RALGDS: variants seen among roughly 807,000 people sequenced by gnomAD.
RALGDS encodes ral guanine nucleotide exchange factor.
A neutral mutation model predicts 99.8 loss-of-function variants in RALGDS; 44 were observed. The observed-to-expected ratio is 0.44, with a 90% confidence interval of 0.35 to 0.57. RALGDS has a LOEUF of 0.57. Ranked by LOEUF, RALGDS falls within the 20% of genes least tolerant of loss-of-function variation. RALGDS has a pLI of 0.01. For synonymous variants in RALGDS, 529 were observed against 505.0 expected (o/e 1.05, Z -0.64); for missense variants, 1,022 against 1,203.1 (o/e 0.85, Z 2.23).
intron 1 of RALGDS, among the ~76,000 whole-genome samples, chr9:133,140,244 C>T (rs1220524991): frequency 3.9e-5 from 6 of 151,908 alleles, no homozygotes; most frequent in South Asian, 2.1e-4. Context: ...ACGGTCCCAC[C>T]CTCCCAGTTT....
intron 8 of RALGDS, 48 bp downstream of exon 8, chr9:133,106,597 T>G: frequency 2.1e-6 from 3 of 1,409,796 alleles, no homozygotes; most frequent in Non-Finnish European, 3.0e-6. Context: ...ATGCCAGCCC[T>G]GTGGGAGGTC....
chr9:133,138,927 C>T (rs1249312967), intron 1 of RALGDS, among the ~76,000 whole-genome samples: 1 of 152,200 alleles, frequency 6.6e-6, no homozygotes, highest in Admixed American at 6.5e-5. Context: ...AGCCACCGCA[C>T]CTGTCCAGGT....
intron 1 of RALGDS, among the ~76,000 whole-genome samples, chr9:133,126,848 G>A (rs1325347331): frequency 6.6e-6 from 1 of 152,160 alleles, no homozygotes; most frequent in Non-Finnish European, 1.5e-5. Flanking sequence ...GTCACTCTCT[G>A]GCCCCTGAGC....
chr9:133,124,175 CA>C (rs1318246548), upstream of RALGDS, among the ~76,000 whole-genome samples: 1 of 150,238 alleles, frequency 6.7e-6, no homozygotes, highest in Non-Finnish European at 1.5e-5. Flanking sequence ...GACAGAGACA[CA>C]GACACACACA....
chr9:133,121,047 C>T lies in RALGDS; in HGVS notation c.108G>A (p.Glu36=). ...SRSVWDAVRL[E]VGVPDSCPVV... ...CCGGGCAGCTGTCGGGGACGCCCAC[C>T]TCCAGGCGCACGGCGTCCCACACGC... Residue 36 remains glutamate, a synonymous_variant, in exon 1 of 18, where the codon GAG becomes GAA. Transcript: ENST00000372050. The T allele has an allele frequency of 5.4e-6, 8 of 1,492,786 alleles. No individual in the cohort carries two copies. Among genetic ancestry groups the T allele is most frequent in the East Asian group, 5.6e-5 (2 of 35,848 alleles). 92.5% of individuals were successfully genotyped at this position (1,492,786 alleles called of 1,614,324 possible).
At chr9:133,147,607 G>T (rs112644974) in intron 1 of RALGDS, among the ~76,000 whole-genome samples, 1 of 152,168 alleles carries the variant, frequency 6.6e-6, no homozygotes, top group Non-Finnish European at 1.5e-5. Flanking sequence ...TTGGGTAGAG[G>T]CCGGGGTCCC....
At chr9:133,117,708 C>T (rs1413319334) in intron 1 of RALGDS, among the ~76,000 whole-genome samples, 1 of 152,252 alleles carries the variant, frequency 6.6e-6, no homozygotes, top group Admixed American at 6.5e-5. Flanking sequence ...TCTGGGCCTG[C>T]AAGGCTGGAA....
rs1365004503 is a variant in RALGDS, at chr9:133,144,011, C to G, written c.18+4952G>C. 1.3e-5 allele frequency among the ~76,000 whole-genome samples: 2 copies of G among 152,070 alleles called. No homozygotes were observed. The highest frequency in any genetic ancestry group is 1.9e-4 in the East Asian group (1 of 5,152). ...GGGCTGTGCTGACCCCCACCAGGAGCAGCAGGACCACCTCAGGCATCCCAG... is the reference window on the plus strand; with the variant it reads ...GGGCTGTGCTGACCCCCACCAGGAGGAGCAGGACCACCTCAGGCATCCCAG... On this transcript the variant is annotated intron_variant, in intron 1 of 17. Coordinates refer to the RALGDS transcript ENST00000393160. The surrounding 1 kb of genome is among the most constrained non-coding windows in gnomAD (Gnocchi z 4.5).
Position 133,143,819 on chromosome 9 carries a change from TAA to T in RALGDS, c.18+5142_18+5143del, listed in dbSNP as rs138723439. 3.3e-3 allele frequency among the ~76,000 whole-genome samples: 440 copies of T among 131,886 alleles called. 8 individuals carry two copies. Among genetic ancestry groups the T allele is most frequent in the African/African-American group, 0.014 (411 of 29,800 alleles). 86.5% of individuals were successfully genotyped at this position (131,886 alleles called of 152,430 possible). A position where few individuals can be genotyped will look rare whatever the true frequency, so the allele number is the denominator to read the frequency against. The stretch of plus-strand genomic sequence containing the variant: ...ATAATAATAATAATAATAATAATAA[TAA>T]AATAAAGGAATGGCTTCCACTCATT... On this transcript the variant is annotated intron_variant, in intron 1 of 17. Coordinates refer to the RALGDS transcript ENST00000393160.
upstream of RALGDS, among the ~76,000 whole-genome samples, chr9:133,123,010 GT>G (rs113372310): frequency 5.4e-4 from 80 of 148,426 alleles, no homozygotes; most frequent in African/African-American, 1.8e-3. Flanking sequence ...GCCTGTTTTT[GT>G]TTTTTTTTTA....
Position 133,108,683 on chromosome 9 carries a change from T to C in RALGDS, c.768A>G (p.Ala256=), listed in dbSNP as rs1050844235. 8 of 1,613,458 alleles carry C rather than the reference T, an allele frequency of 5.0e-6. No homozygotes were observed. The highest frequency in any genetic ancestry group is 2.7e-5 in the African/African-American group (2 of 74,910). ...CCCAGTCCTCCTCACCCTCAGGCTC[T>C]GCCTCAATGGGTTCCGAGTGCTCCA... ...AQLEHSEPIE[A]EPEALSPVPA... The change falls in exon 5 of 18, where the codon GCA becomes GCG. Residue 256 remains alanine, a synonymous_variant. Transcript: ENST00000372050.
intron 11 of RALGDS, 142 bp from the exon 12 acceptor site, chr9:133,103,404 G>A (rs1830855376): frequency 2.9e-6 from 3 of 1,045,170 alleles, no homozygotes; most frequent in South Asian, 2.6e-5. Flanking sequence ...TGGGCACCAG[G>A]GCAAGGGGAC....
At chr9:133,121,416 G>A (rs1831942529), upstream of RALGDS, among the ~76,000 whole-genome samples, 3 of 151,814 alleles carry the variant, frequency 2.0e-5, no homozygotes, top group Admixed American at 2.0e-4. Flanking sequence ...CTGGAGGGGC[G>A]GGGTCTGAAC....
chr9:133,112,211 G>A (rs886279163), intron 1 of RALGDS, 59 bp from the exon 2 acceptor site: 35 of 1,144,624 alleles, frequency 3.1e-5, no homozygotes, highest in East Asian at 1.0e-4. Context: ...CCTGGCCACC[G>A]TGCAGGGGAT....
chr9:133,147,513 G>A (rs1250246381), intron 1 of RALGDS, among the ~76,000 whole-genome samples: 3 of 152,216 alleles, frequency 2.0e-5, no homozygotes, highest in Admixed American at 2.0e-4. Context: ...ACCTGCTGAA[G>A]GGAAAGAGGA....
rs149649229 is a variant in RALGDS, at chr9:133,109,717, C to G, written c.493G>C (p.Gly165Arg). 1.9e-6 allele frequency: 3 copies of G among 1,613,018 alleles called. No homozygotes were observed. Among genetic ancestry groups the G allele is most frequent in the Admixed American group, 1.7e-5 (1 of 60,028 alleles). ...GAGGCCGTGAGGGCGTCACATCTAC[C>G]GTACCTGCTTATGACGTCTAGTGTT... is the stretch of plus-strand genomic sequence containing the variant. ...QVLDLLFKRY[G>R]RCDALTASSR... The change falls in exon 4 of 18, where the codon GGT becomes CGT. Residue 165 changes from glycine to arginine, a missense_variant. Around this residue, in one of 3 missense-constraint regions of RALGDS, gnomAD observed 825 missense variants for 994.5 expected, o/e 0.83. Transcript: ENST00000372050.
In RALGDS at chr9:133,107,968, T is replaced by C. The variant is rs558775243; in HGVS notation, c.1197+20A>G. 48 of 1,612,594 alleles carry C rather than the reference T, an allele frequency of 3.0e-5. No homozygotes were observed. Among genetic ancestry groups the C allele is most frequent in the Non-Finnish European group, 3.9e-5 (46 of 1,180,026 alleles). ...CCAGAAGGCAGGCCCACCCCTGCCC[T>C]GCCAAGCTGAGCTGCTCACCGCATC... On this transcript the variant is annotated intron_variant, in intron 6 of 17. Transcript: ENST00000372050.
intron 1 of RALGDS, among the ~76,000 whole-genome samples, chr9:133,118,042 TC>T (rs1247872336): frequency 4.6e-5 from 7 of 152,038 alleles, no homozygotes; most frequent in Admixed American, 4.6e-4. Context: ...TGCCTGAGCA[TC>T]CCCCGCCTGG....
intron 1 of RALGDS, among the ~76,000 whole-genome samples, chr9:133,142,352 G>C (rs1564255534): frequency 6.6e-6 from 1 of 152,224 alleles, no homozygotes; most frequent in Non-Finnish European, 1.5e-5. Context: ...TTCTTTTTGG[G>C]CCAGGGGTGG....
Sources: allele counts gnomAD v4.1 joint callset (sites outside exome capture counted in the v4.1 genomes callset), GRCh38; gene constraint gnomAD v4.1.1; regional missense constraint gnomAD v4.1.1; non-coding constraint Gnocchi (gnomAD v3.1); transcripts MANE v1.5; gene names NCBI Gene and HGNC (gene_info 2026-07-23, HGNC 2026-07-21).